The following GALNT13 variants were observed in gnomAD, a reference collection of about 807,000 sequenced individuals.
The protein encoded by GALNT13 is polypeptide N-acetylgalactosaminyltransferase 13, also known as UDP-GalNAc:polypeptide N-acetylgalactosaminyltransferase 13.
Under a neutral mutation model 64.2 loss-of-function variants are expected in GALNT13, and 28 were observed. The ratio of observed to expected loss-of-function variants is 0.44; its 90% CI spans 0.32 to 0.60. The LOEUF (loss-of-function observed/expected upper bound fraction) is 0.60. GALNT13 is among the 20% of genes least tolerant of loss of function. The pLI, the probability that GALNT13 is intolerant of heterozygous loss-of-function variation, is 0.05. For missense variants in GALNT13, 577 were observed against 669.8 expected (o/e 0.86, Z 1.53); for synonymous variants, 214 against 224.6 (o/e 0.95, Z 0.42).
chr2:154,445,812 T>G (rs951814362), intron 12 of GALNT13: 1 of 1,288,336 alleles, frequency 7.8e-7, no homozygotes, highest in African/African-American at 1.5e-5. Context: ...ACTTACTTAG[T>G]GTCTCCCAAG....
chr2:153,633,303 G>C, the GALNT13 span, among the ~76,000 whole-genome samples: 5 of 152,092 alleles, frequency 3.3e-5, no homozygotes, highest in African/African-American at 9.7e-5. Context: ...TCACACAGCT[G>C]AGGATATAAA....
At chr2:153,437,651 C>T in the GALNT13 span, among the ~76,000 whole-genome samples, 1 of 152,078 alleles carries the variant, frequency 6.6e-6, no homozygotes, top group Admixed American at 6.5e-5. Context: ...ATTGCAACCC[C>T]TGCTTTTTTT....
chr2:153,335,985 T>G, the GALNT13 span, among the ~76,000 whole-genome samples: 3 of 152,144 alleles, frequency 2.0e-5, no homozygotes, highest in Admixed American at 1.3e-4. Context: ...GGGCTATGGC[T>G]TCAGAGAGTG....
At chr2:153,636,507 C>T in the GALNT13 span, among the ~76,000 whole-genome samples, 4 of 152,188 alleles carry the variant, frequency 2.6e-5, no homozygotes, top group Non-Finnish European at 5.9e-5. Flanking sequence ...ATAATAGTTA[C>T]AGTTACAAAA....
At chr2:153,948,809 A>G (rs1691960416) in intron 3 of GALNT13, among the ~76,000 whole-genome samples, 1 of 152,122 alleles carries the variant, frequency 6.6e-6, no homozygotes, top group Non-Finnish European at 1.5e-5. Context: ...AACAGTGAGG[A>G]CACATGGACA....
intron 3 of GALNT13, among the ~76,000 whole-genome samples, chr2:154,054,941 A>C (rs1021411105): frequency 6.6e-6 from 1 of 152,018 alleles, no homozygotes; most frequent in Non-Finnish European, 1.5e-5. Flanking sequence ...TTCAGTGTCT[A>C]ATTATGTTGA....
At chr2:154,068,681 C>T (rs755492915) in intron 3 of GALNT13, among the ~76,000 whole-genome samples, 1 of 151,890 alleles carries the variant, frequency 6.6e-6, no homozygotes, top group Non-Finnish European at 1.5e-5. Context: ...TTACAACAAT[C>T]GAACTCAGAG....
At chr2:153,808,278 AT>A in the GALNT13 span, among the ~76,000 whole-genome samples, 1 of 151,964 alleles carries the variant, frequency 6.6e-6, no homozygotes, top group Non-Finnish European at 1.5e-5. Context: ...AAATTAGGCT[AT>A]TTTTTTCCCA....
chr2:153,853,480 A>G, the GALNT13 span, among the ~76,000 whole-genome samples: 1 of 152,140 alleles, frequency 6.6e-6, no homozygotes, highest in Non-Finnish European at 1.5e-5. Flanking sequence ...AAATTGTCAT[A>G]TAAATTATAT....
chr2:153,498,079 T>A, the GALNT13 span, among the ~76,000 whole-genome samples: 1 of 152,230 alleles, frequency 6.6e-6, no homozygotes, highest in Non-Finnish European at 1.5e-5. Flanking sequence ...CTTACTGATC[T>A]TGCCTATAAG....
chr2:153,788,712 A>C, the GALNT13 span, among the ~76,000 whole-genome samples: 6 of 152,172 alleles, frequency 3.9e-5, no homozygotes, highest in Admixed American at 2.0e-4. Context: ...GATCTAACTC[A>C]CATGCAATGA....
intron 3 of GALNT13, among the ~76,000 whole-genome samples, chr2:153,945,917 A>T (rs539914660): frequency 9.3e-4 from 141 of 151,932 alleles, no homozygotes; most frequent in East Asian, 3.9e-3. Flanking sequence ...CAAATAATTT[A>T]AAAAAATTTG....
intron 3 of GALNT13, among the ~76,000 whole-genome samples, chr2:154,126,763 G>C (rs758393829): frequency 2.1e-4 from 32 of 152,170 alleles, no homozygotes; most frequent in Non-Finnish European, 3.8e-4. Flanking sequence ...GGTTTTTGAA[G>C]AATGCAAGGT....
the GALNT13 span, among the ~76,000 whole-genome samples, chr2:153,657,823 C>T: frequency 6.6e-6 from 1 of 152,080 alleles, no homozygotes; most frequent in South Asian, 2.1e-4. Flanking sequence ...CAAGCCTGGG[C>T]TCTTATTATC....
chr2:154,426,635 G>A (rs1490316342), intron 11 of GALNT13, among the ~76,000 whole-genome samples: 1 of 152,144 alleles, frequency 6.6e-6, no homozygotes, highest in Non-Finnish European at 1.5e-5. Flanking sequence ...TAAGCATCTG[G>A]AGCATGTTTA....
At chr2:153,452,883 G>T in the GALNT13 span, among the ~76,000 whole-genome samples, 7 of 152,004 alleles carry the variant, frequency 4.6e-5, no homozygotes, top group East Asian at 1.2e-3. Context: ...ATACTATAAG[G>T]CTATAATAAT....
intron 3 of GALNT13, among the ~76,000 whole-genome samples, chr2:154,109,583 C>G (rs952239411): frequency 3.3e-5 from 5 of 151,950 alleles, no homozygotes; most frequent in Admixed American, 2.6e-4. Flanking sequence ...AATTATTCAC[C>G]ATTGAATATA....
chr2:153,212,919 C>T, the GALNT13 span, among the ~76,000 whole-genome samples: 2 of 152,150 alleles, frequency 1.3e-5, no homozygotes, highest in Non-Finnish European at 2.9e-5. Flanking sequence ...GTATTAGAAA[C>T]TAGATTTTTC....
At chr2:153,261,454 A>T in the GALNT13 span, among the ~76,000 whole-genome samples, 1 of 152,134 alleles carries the variant, frequency 6.6e-6, no homozygotes, top group Non-Finnish European at 1.5e-5. Context: ...TTAGAGTACC[A>T]AGGGTAAGAT....
Sources: gnomAD v4.1 joint callset for allele counts (sites outside exome capture counted in the v4.1 genomes callset) on GRCh38, gnomAD v4.1.1 for gene constraint, MANE v1.5 for transcripts, NCBI Gene and HGNC (gene_info 2026-07-23, HGNC 2026-07-21) for gene names.